GPRC5B: variants seen among roughly 807,000 people sequenced by gnomAD.
The protein encoded by GPRC5B is G protein-coupled receptor family C group 5 member B.
Under a neutral mutation model 30.1 loss-of-function variants are expected in GPRC5B, and 16 were observed. The ratio of observed to expected loss-of-function variants is 0.53; its 90% CI spans 0.36 to 0.81. The LOEUF (loss-of-function observed/expected upper bound fraction) is 0.81. GPRC5B is among the 30% of genes least tolerant of loss of function. The probability of loss-of-function intolerance (pLI) is 0.01; values close to 1 mark genes in which losing one functional copy is unlikely to be tolerated. For missense variants in GPRC5B, 428 were observed against 544.7 expected (o/e 0.79, Z 2.13); for synonymous variants, 241 against 239.5 (o/e 1.01, Z -0.06).
chr16:19,872,317 C>A lies in GPRC5B; in HGVS notation c.529G>T (p.Ala177Ser). The change falls in exon 2 of 4, where the codon GCT (alanine) becomes TCT (serine). Residue 177 changes from alanine to serine, a missense_variant. Coordinates refer to ENST00000300571, the MANE Select transcript of GPRC5B (RefSeq NM_016235.3). The surrounding 1 kb of genome is among the most constrained non-coding windows in gnomAD (Gnocchi z 5.0). The stretch of plus-strand genomic sequence containing the variant: ...ACGGTGAGCACCAGCCACTCCACAG[C>A]GATGATGACTTGCACCAGCATCAGG... ...LCLMLVQVII[A>S]VEWLVLTVLR... 1.9e-6 allele frequency: 3 copies of A among 1,614,090 alleles called. No individual in the cohort carries two copies. Among genetic ancestry groups the A allele is most frequent in the Non-Finnish European group, 2.5e-6 (3 of 1,180,032 alleles).
At chr16:19,867,722 G>T (rs2056678505) in intron 2 of GPRC5B, among the ~76,000 whole-genome samples, 1 of 152,166 alleles carries the variant, frequency 6.6e-6, no homozygotes, top group Non-Finnish European at 1.5e-5. Flanking sequence ...GGCCATCAGG[G>T]TGGAGGCTTC....
In GPRC5B at chr16:19,857,703, C is replaced by A. The variant is rs2056578994; in HGVS notation, c.*2797G>T. On this transcript the variant is annotated 3_prime_UTR_variant, in exon 4 of 4. Coordinates refer to ENST00000300571, the MANE Select transcript of GPRC5B (RefSeq NM_016235.3). ...AGCCTTGGCCAACCGAGACCACCAC[C>A]CGAGTTCACCCTTGTTCAGTGGGTC... The A allele has an allele frequency of 5.1e-6, 1 of 194,892 alleles. No individual in the cohort carries two copies. The highest frequency in any genetic ancestry group is 6.1e-5 in the Admixed American group (1 of 16,284). The allele number at this position is 194,892 out of a possible 1,614,324, so 12.1% of individuals were successfully genotyped here.
At chr16:19,869,180 T>A (rs1210958525) in intron 2 of GPRC5B, among the ~76,000 whole-genome samples, 1 of 151,576 alleles carries the variant, frequency 6.6e-6, no homozygotes, top group Non-Finnish European at 1.5e-5. Context: ...AATACAAAAA[T>A]TAGCCAGGCG....
At chr16:19,883,906 C>T (rs1394577095) in intron 1 of GPRC5B, among the ~76,000 whole-genome samples, 2 of 152,216 alleles carry the variant, frequency 1.3e-5, no homozygotes, top group Non-Finnish European at 2.9e-5. Flanking sequence ...GGGCTCCTCC[C>T]GCGCGCTCCC....
chr16:19,860,991 G>C (rs1323906085), intron 3 of GPRC5B, among the ~76,000 whole-genome samples: 1 of 148,534 alleles, frequency 6.7e-6, no homozygotes, highest in African/African-American at 2.5e-5. Context: ...CTTTGAGCCT[G>C]TTCCAAACCA....
At position 19,872,199 on chromosome 16, in the gene GPRC5B, C is replaced by T; in HGVS notation, c.647G>A (p.Gly216Glu). Residue 216 changes from glycine (G) to glutamate (E), a missense_variant, in exon 2 of 4, where the codon GGG becomes GAG. Physicochemically the swap from Gly to Glu is moderately conservative, Grantham distance 98 (BLOSUM62 -2). Around this residue, in one of 3 missense-constraint regions of GPRC5B, gnomAD observed 213 missense variants for 229.1 expected, o/e 0.93. Transcript: ENST00000300571. This position sits in a 1 kb window ranked among gnomAD's most constrained non-coding sequence, Gnocchi z 5.0. ...YDMVLLVVTLGLALFTLCGKF... is the reference protein window; with the variant it reads ...YDMVLLVVTLELALFTLCGKF... ...GCCGCACAGAGTGAAGAGGGCCAGC[C>T]CCAGGGTGACCACAAGCAGTACCAT... 1 of 1,614,144 alleles carries T rather than the reference C, an allele frequency of 6.2e-7. No individual in the cohort carries two copies. The highest frequency in any genetic ancestry group is 8.5e-7 in the Non-Finnish European group (1 of 1,180,020).
At chr16:19,866,288 G>A (rs2056666238) in intron 2 of GPRC5B, among the ~76,000 whole-genome samples, 1 of 152,140 alleles carries the variant, frequency 6.6e-6, no homozygotes, top group South Asian at 2.1e-4. Flanking sequence ...GCCCCATTGT[G>A]TGTGAGTGTG....
Position 19,872,689 on chromosome 16 carries a change from C to A in GPRC5B, c.157G>T (p.Ala53Ser). ...PQYVSLCDLD[A>S]IWGIVVEAVA... ...GCCTCCACCACAATGCCCCAGATGG[C>A]GTCCAGGTCGCACAGGGACACGTAC... Residue 53 changes from alanine (A) to serine (S), a missense_variant, in exon 2 of 4, where the codon GCC (alanine) becomes TCC (serine). Ala to Ser is a moderately conservative substitution (Grantham distance 99). Coordinates refer to ENST00000300571, the MANE Select transcript of GPRC5B (RefSeq NM_016235.3). The surrounding 1 kb of genome is among the most constrained non-coding windows in gnomAD (Gnocchi z 5.0). The A allele has an allele frequency of 6.2e-7, 1 of 1,614,072 alleles. No individual in the cohort carries two copies. Among genetic ancestry groups the A allele is most frequent in the Non-Finnish European group, 8.5e-7 (1 of 1,180,022 alleles).
At chr16:19,884,961 G>A (rs1432678041), upstream of GPRC5B, 3 of 789,390 alleles carry the variant, frequency 3.8e-6, no homozygotes, top group Admixed American at 6.9e-5. Flanking sequence ...CCGGGCCTCC[G>A]AGCCCCACCC....
At position 19,872,751 on chromosome 16, in the gene GPRC5B, C is replaced by G; in HGVS notation, c.95G>C (p.Ser32Thr). 2 of 1,613,636 alleles carry G rather than the reference C, an allele frequency of 1.2e-6. No homozygotes were observed. Among genetic ancestry groups the G allele is most frequent in the Non-Finnish European group, 1.7e-6 (2 of 1,179,934 alleles). The change falls in exon 2 of 4, where the codon AGC becomes ACC. Residue 32 changes from serine (S) to threonine (T), a missense_variant. By Grantham distance (58) the Ser-to-Thr change is moderately conservative. Coordinates refer to ENST00000300571, the MANE Select transcript of GPRC5B (RefSeq NM_016235.3). This position sits in a 1 kb window ranked among gnomAD's most constrained non-coding sequence, Gnocchi z 5.0. Reference protein sequence around the residue: ...VITSVASENASTSRGCGLDLL... With the variant: ...VITSVASENATTSRGCGLDLL... ...GTCCAGCCCACAGCCTCGGGATGTG[C>G]TGGCGTTTTCAGAGGCCACCGAGGT...
chr16:19,885,114 T>C (rs2056840802), upstream of GPRC5B: 3 of 949,966 alleles, frequency 3.2e-6, no homozygotes, highest in Non-Finnish European at 4.4e-6. This position sits in a 1 kb window ranked among gnomAD's most constrained non-coding sequence, Gnocchi z 5.3. Flanking sequence ...CCCCACAACG[T>C]CAGTGCGCCC....
chr16:19,865,670 A>C (rs1399375298), intron 2 of GPRC5B, among the ~76,000 whole-genome samples: 1 of 152,214 alleles, frequency 6.6e-6, no homozygotes, highest in Non-Finnish European at 1.5e-5. Context: ...CCTGAAGATG[A>C]ATGCATAAGA....
rs1236147469 is a variant in GPRC5B, at chr16:19,858,339, C to T, written c.*2161G>A. 4.5e-6 allele frequency: 2 copies of T among 449,404 alleles called. No homozygotes were observed. The highest frequency in any genetic ancestry group is 7.9e-6 in the Non-Finnish European group (2 of 253,814). 27.8% of individuals were successfully genotyped at this position (449,404 alleles called of 1,614,324 possible). A position where few individuals can be genotyped will look rare whatever the true frequency, so the allele number is the denominator to read the frequency against. ...GATTTAAAAGGGGGGAAAAAGGTCT[C>T]ATTAAATGAGGCTTCCCATGGCTCA... On this transcript the variant is annotated 3_prime_UTR_variant, in exon 4 of 4. Coordinates refer to ENST00000300571, the MANE Select transcript of GPRC5B (RefSeq NM_016235.3).
At chr16:19,860,690 G>A (rs2056614005) in intron 3 of GPRC5B, 146 bp from the exon 4 acceptor site, 5 of 592,500 alleles carry the variant, frequency 8.4e-6, no homozygotes, top group African/African-American at 1.9e-5. Flanking sequence ...AGGCAGCAAT[G>A]ACTGTGAGTC....
intron 1 of GPRC5B, among the ~76,000 whole-genome samples, chr16:19,873,568 A>G (rs979881552): frequency 1.3e-5 from 2 of 152,110 alleles, no homozygotes; most frequent in African/African-American, 2.4e-5. Flanking sequence ...TGAGTGGCAC[A>G]CATTACCTGG....
At chr16:19,884,896 G>T (rs866945265), upstream of GPRC5B, 474 of 972,344 alleles carry the variant, frequency 4.9e-4, 2 homozygotes, top group African/African-American at 7.7e-3. Context: ...CCCGGCCCGC[G>T]CTGCTGCAGC....
At chr16:19,883,399 G>A (rs555584758) in intron 1 of GPRC5B, among the ~76,000 whole-genome samples, 1 of 152,296 alleles carries the variant, frequency 6.6e-6, no homozygotes, top group Non-Finnish European at 1.5e-5. Flanking sequence ...CTGGCCGGGA[G>A]GGCTTCCAAA....
intron 2 of GPRC5B, among the ~76,000 whole-genome samples, chr16:19,868,417 A>G (rs2056684112): frequency 6.6e-6 from 1 of 152,112 alleles, no homozygotes; most frequent in South Asian, 2.1e-4. Flanking sequence ...AATGTATAAA[A>G]GTTTGTATCC....
At chr16:19,885,041 G>A, upstream of GPRC5B, 1 of 633,232 alleles carries the variant, frequency 1.6e-6, no homozygotes, top group East Asian at 1.1e-4. This position sits in a 1 kb window ranked among gnomAD's most constrained non-coding sequence, Gnocchi z 5.3. Flanking sequence ...CAAGCTCGTA[G>A]CTTCTAGCCC....
Sources: allele counts gnomAD v4.1 joint callset (sites outside exome capture counted in the v4.1 genomes callset), GRCh38; gene constraint gnomAD v4.1.1; regional missense constraint gnomAD v4.1.1; non-coding constraint Gnocchi (gnomAD v3.1); transcripts MANE v1.5; gene names NCBI Gene and HGNC (gene_info 2026-07-23, HGNC 2026-07-21).